OTUD4: variants seen among roughly 807,000 people sequenced by gnomAD.
The protein encoded by OTUD4 is OTU domain-containing protein 4.
Under a neutral mutation model 130.4 loss-of-function variants are expected in OTUD4, and 24 were observed. The ratio of observed to expected loss-of-function variants is 0.18; its 90% CI spans 0.13 to 0.26. The LOEUF is 0.26. Among genes scored for constraint, OTUD4 ranks in the 10% least tolerant of loss-of-function variants. The pLI is 1.00. For synonymous variants in OTUD4, 420 were observed against 472.5 expected, an observed-to-expected ratio of 0.89 and a Z score of 1.44; for missense variants, 1,031 against 1,329.4, an observed-to-expected ratio of 0.78 and a Z score of 3.49.
At chr4:145,178,798 A>ATT (rs1257156445) in intron 1 of OTUD4, among the ~76,000 whole-genome samples, 2 of 152,210 alleles carry the variant, frequency 1.3e-5, no homozygotes, top group Non-Finnish European at 2.9e-5. Flanking sequence ...ACAAATAGAA[A>ATT]TTTTAAAAGT....
chr4:145,176,385 T>A (rs1752424994), intron 1 of OTUD4, among the ~76,000 whole-genome samples: 1 of 151,822 alleles, frequency 6.6e-6, no homozygotes, highest in Non-Finnish European at 1.5e-5. Context: ...AGAAAGTATC[T>A]TTAAAAGTTA....
At chr4:145,172,075 G>A (rs576348351) in intron 2 of OTUD4, among the ~76,000 whole-genome samples, 1 of 152,342 alleles carries the variant, frequency 6.6e-6, no homozygotes, top group East Asian at 1.9e-4. Flanking sequence ...GGGAAGACAA[G>A]CAATCTGGCC....
At position 145,135,320 on chromosome 4, in the gene OTUD4, T is replaced by G. The variant is rs140187317; in HGVS notation, c.*2110A>C. ...GTAAGACAAAGTGACAATGAAGATA[T>G]GAGTAGTATTTCCTTCCAATTTTTA... On this transcript the variant is annotated 3_prime_UTR_variant, in exon 21 of 21. Transcript: ENST00000447906. 6.5e-6 allele frequency: 1 copy of G among 153,058 alleles called. No homozygotes were observed. Among genetic ancestry groups the G allele is most frequent in the Non-Finnish European group, 1.5e-5 (1 of 68,674 alleles). 9.5% of individuals were successfully genotyped at this position (153,058 alleles called of 1,614,324 possible).
intron 20 of OTUD4, among the ~76,000 whole-genome samples, 194 bp from the exon 21 acceptor site, chr4:145,138,844 C>A (rs935027454): frequency 1.3e-5 from 2 of 152,178 alleles, no homozygotes; most frequent in South Asian, 2.1e-4. Flanking sequence ...CTTTAAGACT[C>A]CATTGCTTGC....
chr4:145,146,992 A>G (rs1360677615), intron 13 of OTUD4, among the ~76,000 whole-genome samples: 1 of 152,230 alleles, frequency 6.6e-6, no homozygotes. Flanking sequence ...AATTGCATAG[A>G]TAAGACTGCT....
At chr4:145,165,511 CTT>C (rs904934770) in intron 3 of OTUD4, among the ~76,000 whole-genome samples, 9 of 151,790 alleles carry the variant, frequency 5.9e-5, no homozygotes, top group Admixed American at 5.3e-4. Flanking sequence ...GAGTTTCGCT[CTT>C]GTTGCTCAGG....
Position 145,135,067 on chromosome 4 carries a change from C to A in OTUD4, c.*2363G>T. ...TAAGGCAAAATCCCCTGGACTAATA[C>A]ATTTAAAAACAAACTTAAAGGAAAA... On this transcript the variant is annotated 3_prime_UTR_variant, in exon 21 of 21. Transcript: ENST00000447906. The A allele has an allele frequency of 1.1e-3, 319 of 293,628 alleles. No individual in the cohort carries two copies. The highest frequency in any genetic ancestry group is 2.0e-3 in the Middle Eastern group (2 of 1,020). 18.2% of individuals were successfully genotyped at this position (293,628 alleles called of 1,614,324 possible). A position where few individuals can be genotyped will look rare whatever the true frequency, so the allele number is the denominator to read the frequency against.
chr4:145,137,547 C>G lies in OTUD4; in HGVS notation c.3228G>C (p.Gln1076His). 1 of 1,613,152 alleles carries G rather than the reference C, an allele frequency of 6.2e-7. No individual in the cohort carries two copies. The highest frequency in any genetic ancestry group is 1.6e-4 in the Middle Eastern group (1 of 6,062). The stretch of plus-strand genomic sequence containing the variant: ...AACCTTCATCCCGACTTCTGCTTGG[C>G]TGTCCTTTCCAGGACTCCTCACTTC... Reference protein sequence around the residue: ...HVRSEESWKGQPSRSRDEGYQ... With the variant: ...HVRSEESWKGHPSRSRDEGYQ... The change falls in exon 21 of 21, where the codon CAG (glutamine) becomes CAC (histidine). Residue 1076 changes from glutamine (Q) to histidine (H), a missense_variant. Gln to His is a conservative substitution (Grantham distance 24, BLOSUM62 0). Around this residue, in one of 3 missense-constraint regions of OTUD4, gnomAD observed 900 missense variants for 1,095.9 expected, o/e 0.82. Coordinates refer to ENST00000447906, the MANE Select transcript of OTUD4 (RefSeq NM_001366057.1).
At position 145,137,176 on chromosome 4, in the gene OTUD4, T is replaced by C. The variant is rs1750314175; in HGVS notation, c.*254A>G. The C allele has an allele frequency of 5.4e-6, 2 of 373,372 alleles. No individual in the cohort carries two copies. The highest frequency in any genetic ancestry group is 4.3e-5 in the East Asian group (1 of 23,012). The allele number at this position is 373,372 out of a possible 1,614,324, so 23.1% of individuals were successfully genotyped here. On this transcript the variant is annotated 3_prime_UTR_variant, in exon 21 of 21. Coordinates refer to ENST00000447906, the MANE Select transcript of OTUD4 (RefSeq NM_001366057.1). ...TATAAAAAATACTTTAACAAACTTA[T>C]CTTCTACTTTTTACGGGGACAGTCA... is the stretch of plus-strand genomic sequence containing the variant.
chr4:145,172,057 A>G (rs1376447554), intron 2 of OTUD4, among the ~76,000 whole-genome samples: 1 of 152,226 alleles, frequency 6.6e-6, no homozygotes, highest in Non-Finnish European at 1.5e-5. Flanking sequence ...GAAGAGGAAC[A>G]CTGTGTTGGG....
At chr4:145,145,520 C>T (rs148586452) in intron 14 of OTUD4, among the ~76,000 whole-genome samples, 188 of 152,120 alleles carry the variant, frequency 1.2e-3, no homozygotes, top group African/African-American at 4.0e-3. Flanking sequence ...GGTAACCTCC[C>T]GTAACAGTCC....
Position 145,137,359 on chromosome 4 carries a change from G to A in OTUD4, c.*71C>T. ...TTCCAACTGCGGTTTTTACTTTATT[G>A]TATTTTTTTTAAAGCCTTCAGAAAC... On this transcript the variant is annotated 3_prime_UTR_variant, in exon 21 of 21. Transcript: ENST00000447906. 7.5e-7 allele frequency: 1 copy of A among 1,325,098 alleles called. No homozygotes were observed. The highest frequency in any genetic ancestry group is 1.5e-5 in the African/African-American group (1 of 68,186). The allele number at this position is 1,325,098 out of a possible 1,614,324, so 82.1% of individuals were successfully genotyped here. A position where few individuals can be genotyped will look rare whatever the true frequency, so the allele number is the denominator to read the frequency against.
At chr4:145,150,462 C>A in intron 13 of OTUD4, 51 bp downstream of exon 13, 1 of 1,283,232 alleles carries the variant, frequency 7.8e-7, no homozygotes, top group Non-Finnish European at 1.1e-6. Context: ...GCAAATATAA[C>A]AAATGCCTCT....
intron 7 of OTUD4, among the ~76,000 whole-genome samples, chr4:145,158,813 C>T (rs2126777485): frequency 6.6e-6 from 1 of 152,290 alleles, no homozygotes; most frequent in African/African-American, 2.4e-5. Flanking sequence ...GATTGAATCT[C>T]ATGAATTGTC....
intron 6 of OTUD4, 60 bp from the exon 7 acceptor site, chr4:145,159,695 GA>G: frequency 6.6e-7 from 1 of 1,505,116 alleles, no homozygotes; most frequent in Non-Finnish European, 9.2e-7. Flanking sequence ...TTAAAAACAG[GA>G]ACAGACCATC....
intron 11 of OTUD4, among the ~76,000 whole-genome samples, chr4:145,152,155 G>T (rs1057477342): frequency 1.3e-5 from 2 of 152,112 alleles, no homozygotes; most frequent in African/African-American, 4.8e-5. Flanking sequence ...ACGAAGTCTA[G>T]CTCTGTCGCC....
At chr4:145,150,377 C>CT in intron 13 of OTUD4, 136 bp downstream of exon 13, 1 of 549,366 alleles carries the variant, frequency 1.8e-6, no homozygotes, top group Non-Finnish European at 3.2e-6. Flanking sequence ...AAGTTTTATA[C>CT]AAAATGCTCT....
chr4:145,146,461 CATAAATAAATAA>C lies in OTUD4; in HGVS notation c.1260-44_1260-33del, dbSNP rs55722437. 4.1e-5 allele frequency: 39 copies of C among 948,192 alleles called. 3 individuals carry two copies. The South Asian group carries it at 4.5e-4, about 11-fold the overall frequency. 58.7% of individuals were successfully genotyped at this position (948,192 alleles called of 1,614,324 possible). A position where few individuals can be genotyped will look rare whatever the true frequency, so the allele number is the denominator to read the frequency against. On this transcript the variant is annotated intron_variant, in intron 13 of 20. Transcript: ENST00000447906. The stretch of plus-strand genomic sequence containing the variant: ...AATAAAACATTCTTGTCAGAAAATA[CATAAATAAATAA>C]ATAAATAAATAAATAAAACATTCTT...
At chr4:145,146,077 A>G (rs1244505994) in intron 14 of OTUD4, 190 bp downstream of exon 14, 5 of 375,594 alleles carry the variant, frequency 1.3e-5, no homozygotes, top group Non-Finnish European at 2.3e-5. Flanking sequence ...CCTTTTAGTA[A>G]TATCTCTAGG....
Sources: gnomAD v4.1 joint callset for allele counts (sites outside exome capture counted in the v4.1 genomes callset) on GRCh38, gnomAD v4.1.1 for gene constraint, gnomAD v4.1.1 regional missense constraint, MANE v1.5 for transcripts, NCBI Gene and HGNC (gene_info 2026-07-23, HGNC 2026-07-21) for gene names.